The following FCHO2 variants were observed in gnomAD, a reference collection of about 807,000 sequenced individuals.
FCHO2 encodes the protein F-BAR domain only protein 2.
In FCHO2, 43 loss-of-function variants were observed where a neutral mutation model predicts 114.1. The observed-to-expected ratio is 0.38, with a 90% CI of 0.30 to 0.49. The LOEUF is 0.49. Ranked by LOEUF, FCHO2 falls within the 20% of genes least tolerant of loss-of-function variation. The probability of loss-of-function intolerance (pLI) is 0.97; values close to 1 mark genes in which losing one functional copy is unlikely to be tolerated. For missense variants in FCHO2, 807 were observed against 950.4 expected (o/e 0.85, Z 1.98); for synonymous variants, 293 against 315.2 (o/e 0.93, Z 0.75).
At chr5:73,081,153 G>A (rs1208536868) in intron 22 of FCHO2, among the ~76,000 whole-genome samples, 2 of 151,780 alleles carry the variant, frequency 1.3e-5, no homozygotes, top group African/African-American at 2.4e-5. Flanking sequence ...TGAGTGGTAT[G>A]GAAAAAAGAA....
intron 2 of FCHO2, among the ~76,000 whole-genome samples, chr5:72,979,944 C>T (rs1753110572): frequency 6.6e-6 from 1 of 152,130 alleles, no homozygotes; most frequent in Admixed American, 6.5e-5. Flanking sequence ...TCTCTATCTC[C>T]TTCAGTTCTG....
chr5:73,082,260 C>CTTTTTTTTTT (rs11427541), intron 23 of FCHO2, among the ~76,000 whole-genome samples: 1 of 140,352 alleles, frequency 7.1e-6, no homozygotes, highest in Non-Finnish European at 1.5e-5. Flanking sequence ...CTCTAAACTT[C>CTTTTTTTTTT]TTTTTTTTTT....
chr5:73,061,079 C>T (rs1757830697), intron 17 of FCHO2, among the ~76,000 whole-genome samples: 2 of 151,274 alleles, frequency 1.3e-5, no homozygotes. Context: ...AACTCGAACC[C>T]TGATGTAGTC....
chr5:73,048,718 G>C (rs943415668), intron 11 of FCHO2, among the ~76,000 whole-genome samples: 1 of 152,084 alleles, frequency 6.6e-6, no homozygotes, highest in Non-Finnish European at 1.5e-5. Flanking sequence ...CTGGGTAAAA[G>C]AGTGAATATA....
chr5:72,972,570 G>C (rs1752616926), intron 2 of FCHO2, among the ~76,000 whole-genome samples: 1 of 152,178 alleles, frequency 6.6e-6, no homozygotes, highest in Non-Finnish European at 1.5e-5. Context: ...AGACTTTGCT[G>C]AAGTTGCTTA....
Position 72,956,152 on chromosome 5 carries a change from C to T in FCHO2, c.33+23C>T, listed in dbSNP as rs1446370045. 9 of 1,531,804 alleles carry T rather than the reference C, an allele frequency of 5.9e-6. No homozygotes were observed. In the African/African-American group the frequency reaches 7.1e-5, roughly 12 times the overall value. The allele number at this position is 1,531,804 out of a possible 1,614,324, so 94.9% of individuals were successfully genotyped here. On this transcript the variant is annotated intron_variant, in intron 1 of 25. Coordinates refer to ENST00000430046, the MANE Select transcript of FCHO2 (RefSeq NM_138782.3). ...TGGGTAAGCTTAGGATGTTGGAAGT[C>T]GTGTGTTTCGAAGTCCAAGGCTTTT...
intron 1 of FCHO2, 107 bp from the exon 2 acceptor site, chr5:72,968,391 C>T (rs868081679): frequency 2.7e-5 from 18 of 672,930 alleles, no homozygotes; most frequent in Middle Eastern, 2.9e-4. Flanking sequence ...TTTATGAAAA[C>T]ACCTCACCTG....
chr5:72,978,837 G>A (rs1235195548), intron 2 of FCHO2, among the ~76,000 whole-genome samples: 1 of 152,028 alleles, frequency 6.6e-6, no homozygotes, highest in East Asian at 1.9e-4. Flanking sequence ...GAATTTTGTT[G>A]AAGGCCTTTT....
chr5:73,036,949 A>G (rs1360456842), intron 9 of FCHO2, among the ~76,000 whole-genome samples, 194 bp from the exon 10 acceptor site: 2 of 152,222 alleles, frequency 1.3e-5, no homozygotes, highest in African/African-American at 4.8e-5. Flanking sequence ...TTGATAAACA[A>G]TAGACTATGT....
chr5:72,994,976 GGAA>G (rs758229484), intron 5 of FCHO2, among the ~76,000 whole-genome samples: 13 of 152,090 alleles, frequency 8.5e-5, no homozygotes, highest in African/African-American at 9.6e-5. Flanking sequence ...TGGGGAGAAG[GGAA>G]GAAGGAGAGG....
At chr5:73,042,770 G>A (rs950086371) in intron 11 of FCHO2, among the ~76,000 whole-genome samples, 2 of 151,984 alleles carry the variant, frequency 1.3e-5, no homozygotes, top group Non-Finnish European at 1.5e-5. Context: ...GTGCCTAGTA[G>A]GAAAAGGGCA....
intron 9 of FCHO2, 95 bp from the exon 10 acceptor site, chr5:73,037,048 G>A: frequency 2.6e-6 from 2 of 781,960 alleles, no homozygotes; most frequent in Non-Finnish European, 3.8e-6. Flanking sequence ...GCAGTTATGA[G>A]CAAATTATGT....
intron 10 of FCHO2, among the ~76,000 whole-genome samples, chr5:73,040,247 T>G (rs1206979904): frequency 6.6e-6 from 1 of 152,198 alleles, no homozygotes; most frequent in Non-Finnish European, 1.5e-5. Context: ...TTTTGAAATA[T>G]TTGCAGAATA....
intron 8 of FCHO2, among the ~76,000 whole-genome samples, chr5:73,019,305 G>A (rs535565841): frequency 1.3e-5 from 2 of 152,100 alleles, no homozygotes; most frequent in Non-Finnish European, 2.9e-5. Flanking sequence ...CAGCACTTTG[G>A]GACGCTGAGG....
rs375360567 is a variant in FCHO2 at position 73,018,307 on chromosome 5, T to C, written c.796+999T>C. Reference sequence around the variant, plus strand: ...ATGTTTTCTCTAGCTGCCTAATTAATTTGCAGATTTCATACTGGTACAGCA... The same window carrying C: ...ATGTTTTCTCTAGCTGCCTAATTAACTTGCAGATTTCATACTGGTACAGCA... On this transcript the variant is annotated intron_variant, in intron 8 of 25. Coordinates refer to ENST00000430046, the MANE Select transcript of FCHO2 (RefSeq NM_138782.3). Among the ~76,000 whole-genome samples the C allele has an allele frequency of 1.1e-4, 17 of 152,302 alleles. No individual in the cohort carries two copies. In the East Asian group the frequency reaches 2.9e-3, roughly 26 times the overall value.
chr5:72,987,339 G>GTTTA (rs957218840), intron 2 of FCHO2, among the ~76,000 whole-genome samples: 3 of 151,636 alleles, frequency 2.0e-5, no homozygotes, highest in Non-Finnish European at 2.9e-5. Flanking sequence ...ATGTTTGTTT[G>GTTTA]TTTATTTATT....
At position 73,000,546 on chromosome 5, in the gene FCHO2, C is replaced by G. The variant is rs190881628; in HGVS notation, c.496-5899C>G. On this transcript the variant is annotated intron_variant, in intron 5 of 25. Coordinates refer to ENST00000430046, the MANE Select transcript of FCHO2 (RefSeq NM_138782.3). ...ATCCCAGCACTTTAGGAGGCCAAAG[C>G]GGGCGGATCACTTGAGATTGGGAGT... Among the ~76,000 whole-genome samples, 39 of 149,334 alleles carry G rather than the reference C, an allele frequency of 2.6e-4. No homozygotes were observed. In the East Asian group the frequency reaches 7.4e-3, roughly 28 times the overall value.
chr5:73,046,246 G>A (rs541718125), intron 11 of FCHO2, among the ~76,000 whole-genome samples: 41 of 152,054 alleles, frequency 2.7e-4, no homozygotes, highest in Non-Finnish European at 5.7e-4. Flanking sequence ...TTTTATTTTT[G>A]AGTAGAGACA....
At chr5:73,016,176 C>T (rs181759189) in intron 7 of FCHO2, among the ~76,000 whole-genome samples, 36 of 152,124 alleles carry the variant, frequency 2.4e-4, no homozygotes, top group East Asian at 2.1e-3. Flanking sequence ...TAGCCAGGCA[C>T]GGTGGCTCAT....
Sources: allele counts gnomAD v4.1 joint callset (sites outside exome capture counted in the v4.1 genomes callset), GRCh38; gene constraint gnomAD v4.1.1; transcripts MANE v1.5; gene names NCBI Gene and HGNC (gene_info 2026-07-23, HGNC 2026-07-21).